PRKACB: variants seen among roughly 807,000 people sequenced by gnomAD.
The protein encoded by PRKACB is protein kinase cAMP-activated catalytic subunit beta.
PRKACB carries 16 observed loss-of-function variants against 51.4 expected under a neutral mutation model. The observed-to-expected ratio is 0.31, with a 90% CI of 0.21 to 0.47. The LOEUF (loss-of-function observed/expected upper bound fraction) is 0.47. Among genes scored for constraint, PRKACB ranks in the 20% least tolerant of loss-of-function variants. PRKACB has a pLI of 1.00. For synonymous variants in PRKACB, 147 were observed against 154.4 expected, an observed-to-expected ratio of 0.95 and a Z score of 0.35; for missense variants, 309 against 464.5, an observed-to-expected ratio of 0.67 and a Z score of 3.08.
chr1:84,198,566 A>C (rs1668849854), intron 7 of PRKACB, among the ~76,000 whole-genome samples: 1 of 152,100 alleles, frequency 6.6e-6, no homozygotes, highest in Admixed American at 6.6e-5. Context: ...ATTATCTTTC[A>C]TAATTTAAAT....
chr1:84,093,085 T>G (rs1369858976), intron 1 of PRKACB, among the ~76,000 whole-genome samples: 2 of 152,094 alleles, frequency 1.3e-5, no homozygotes, highest in African/African-American at 4.8e-5. Context: ...TTTAATAATT[T>G]TCAAACGTAC....
intron 1 of PRKACB, among the ~76,000 whole-genome samples, chr1:84,079,941 C>T (rs530044458): frequency 6.6e-6 from 1 of 151,988 alleles, no homozygotes; most frequent in East Asian, 1.9e-4. Flanking sequence ...GCTGGGATTA[C>T]AGGCGTGAGC....
At chr1:84,175,769 C>A (rs755383724) in intron 1 of PRKACB, 17 of 1,553,584 alleles carry the variant, frequency 1.1e-5, no homozygotes, top group African/African-American at 1.4e-5. Flanking sequence ...GGTGAATGTT[C>A]CTGCAAACAA....
intron 5 of PRKACB, 112 bp downstream of exon 5, chr1:84,185,294 A>G: frequency 2.9e-6 from 2 of 701,168 alleles, no homozygotes; most frequent in South Asian, 2.1e-5. Flanking sequence ...TATTTTGGCC[A>G]TATGAAGCAT....
upstream of PRKACB, among the ~76,000 whole-genome samples, chr1:84,142,608 A>C (rs1653527657): frequency 6.6e-6 from 1 of 152,234 alleles, no homozygotes; most frequent in Non-Finnish European, 1.5e-5. Flanking sequence ...ATTTTATTAC[A>C]CAAAACAAAG....
intron 5 of PRKACB, among the ~76,000 whole-genome samples, chr1:84,188,779 C>T (rs948879374): frequency 4.0e-5 from 6 of 151,754 alleles, no homozygotes; most frequent in Non-Finnish European, 8.8e-5. Flanking sequence ...GCTGGAAAAT[C>T]CCAAAGCTAA....
chr1:84,205,013 T>A, intron 8 of PRKACB: 1 of 983,870 alleles, frequency 1.0e-6, no homozygotes, highest in African/African-American at 1.7e-5. Context: ...CCTGGGCACC[T>A]TAGAAGAATG....
intron 1 of PRKACB, among the ~76,000 whole-genome samples, chr1:84,081,857 C>T (rs988874525): frequency 1.3e-5 from 2 of 152,122 alleles, no homozygotes; most frequent in South Asian, 2.1e-4. Context: ...GACTGCAAGT[C>T]GTAAAGTTAC....
rs561786897 is a variant in PRKACB, at chr1:84,168,395, G to A, written c.188-10782G>A. On this transcript the variant is annotated intron_variant, in intron 1 of 9. Coordinates refer to ENST00000370685, the MANE Select transcript of PRKACB (RefSeq NM_182948.4). ...AAGTTTATGTGCTCTCCTAGTTCAT[G>A]TGCTTTTTGATGTAACTAGCATCAT... Among the ~76,000 whole-genome samples the A allele has an allele frequency of 4.6e-5, 7 of 151,652 alleles. No individual in the cohort carries two copies. The South Asian group carries it at 6.2e-4, about 13-fold the overall frequency.
chr1:84,223,749 T>C (rs1448806864), intron 9 of PRKACB, among the ~76,000 whole-genome samples: 1 of 152,192 alleles, frequency 6.6e-6, no homozygotes, highest in African/African-American at 2.4e-5. Flanking sequence ...CTTTGTATTG[T>C]TTGTCTGTGT....
At chr1:84,219,852 C>T (rs1468593326) in intron 9 of PRKACB, among the ~76,000 whole-genome samples, 2 of 151,878 alleles carry the variant, frequency 1.3e-5, no homozygotes, top group Non-Finnish European at 2.9e-5. Context: ...GTTACTATAG[C>T]TTTATAGTAT....
At position 84,235,206 on chromosome 1, in the gene PRKACB, T is replaced by A; in HGVS notation, c.1098T>A (p.Phe366Leu). The A allele has an allele frequency of 6.2e-7, 1 of 1,614,014 alleles. No individual in the cohort carries two copies. Among genetic ancestry groups the A allele is most frequent in the Non-Finnish European group, 8.5e-7 (1 of 1,179,882 alleles). ...TTGAAGCTCCATTCATACCAAAGTTTAGAGGCTCTGGAGATACCAGCAACT... is the reference window on the plus strand; with the variant it reads ...TTGAAGCTCCATTCATACCAAAGTTAAGAGGCTCTGGAGATACCAGCAACT... ...RKVEAPFIPK[F>L]RGSGDTSNFD... Residue 366 changes from phenylalanine to leucine, a missense_variant, in exon 10 of 10, where the codon TTT (phenylalanine) becomes TTA (leucine). Physicochemically the swap from Phe to Leu is conservative, Grantham distance 22. This residue lies in a region of PRKACB where 96 missense variants were observed against 129.9 expected (regional missense o/e 0.74). Transcript: ENST00000370685.
chr1:84,143,255 T>G (rs551251581), upstream of PRKACB, among the ~76,000 whole-genome samples: 5 of 152,118 alleles, frequency 3.3e-5, no homozygotes, highest in South Asian at 1.0e-3. Flanking sequence ...AGACAACTCC[T>G]GACCTGGCCA....
At chr1:84,079,151 G>T (rs1367888402) in intron 1 of PRKACB, among the ~76,000 whole-genome samples, 1 of 151,058 alleles carries the variant, frequency 6.6e-6, no homozygotes, top group Non-Finnish European at 1.5e-5. Context: ...TAAGGTGTGT[G>T]TGTGTCTGTG....
intron 2 of PRKACB, among the ~76,000 whole-genome samples, chr1:84,181,242 G>A (rs1349918464): frequency 1.3e-5 from 2 of 152,010 alleles, no homozygotes; most frequent in East Asian, 1.9e-4. Context: ...ACTGGACAAA[G>A]AATCATACTG....
intron 1 of PRKACB, among the ~76,000 whole-genome samples, chr1:84,093,331 C>A (rs1648663080): frequency 6.6e-6 from 1 of 151,746 alleles, no homozygotes; most frequent in African/African-American, 2.4e-5. Context: ...AGGTAGGAGT[C>A]ATTTGTTAAT....
At position 84,212,758 on chromosome 1, in the gene PRKACB, A is replaced by G. The variant is rs145888887; in HGVS notation, c.907-1395A>G. On this transcript the variant is annotated intron_variant, in intron 8 of 9. Transcript: ENST00000370685. ...GACTTGCCAGGTTTTGCTCACTGCT[A>G]TATATCCAGCACCTAAAATAGTGCC... is the stretch of plus-strand genomic sequence containing the variant. Among the ~76,000 whole-genome samples, 333 of 152,254 alleles carry G rather than the reference A, an allele frequency of 2.2e-3. 1 individual carries two copies. Among genetic ancestry groups the G allele is most frequent in the African/African-American group, 7.7e-3 (321 of 41,570 alleles).
At chr1:84,201,514 A>G (rs992774653) in intron 7 of PRKACB, among the ~76,000 whole-genome samples, 2 of 152,092 alleles carry the variant, frequency 1.3e-5, no homozygotes, top group African/African-American at 4.8e-5. Context: ...GTTAATGCCT[A>G]TTTCTATTAA....
At chr1:84,191,854 T>C (rs1458821876) in intron 5 of PRKACB, among the ~76,000 whole-genome samples, 1 of 152,058 alleles carries the variant, frequency 6.6e-6, no homozygotes, top group African/African-American at 2.4e-5. Context: ...AAATAAATAA[T>C]TAAAAAACCA....
Sources: gnomAD v4.1 joint callset for allele counts (sites outside exome capture counted in the v4.1 genomes callset) on GRCh38, gnomAD v4.1.1 for gene constraint, gnomAD v4.1.1 regional missense constraint, MANE v1.5 for transcripts, NCBI Gene and HGNC (gene_info 2026-07-23, HGNC 2026-07-21) for gene names.